Variants in ADAMTS19 observed in about 807,000 individuals in gnomAD.
ADAMTS19 encodes A disintegrin and metalloproteinase with thrombospondin motifs 19.
Under a neutral mutation model 153.3 loss-of-function variants are expected in ADAMTS19, and 93 were observed. The ratio of observed to expected loss-of-function variants is 0.61; its 90% CI spans 0.51 to 0.72. The LOEUF is 0.72. Ranked by LOEUF, ADAMTS19 falls within the 30% of genes least tolerant of loss-of-function variation. The pLI is 0.00. For synonymous variants in ADAMTS19, 600 were observed against 556.6 expected (o/e 1.08, Z -1.10); for missense variants, 1,482 against 1,552.1 (o/e 0.95, Z 0.76).
intron 8 of ADAMTS19, among the ~76,000 whole-genome samples, chr5:129,613,464 A>C (rs1448429954): frequency 3.3e-5 from 5 of 152,224 alleles, no homozygotes; most frequent in Non-Finnish European, 7.3e-5. Context: ...GAAGGCAGAA[A>C]TAAAGATGTT....
intron 2 of ADAMTS19, among the ~76,000 whole-genome samples, chr5:129,499,089 A>C (rs2126706318): frequency 6.6e-6 from 1 of 152,198 alleles, no homozygotes; most frequent in South Asian, 2.1e-4. Flanking sequence ...ACTGGTAAAC[A>C]ACTAAGAAGT....
intron 16 of ADAMTS19, among the ~76,000 whole-genome samples, chr5:129,673,970 C>T (rs1391213983): frequency 1.3e-5 from 2 of 152,124 alleles, no homozygotes; most frequent in Non-Finnish European, 2.9e-5. Context: ...GTAACTCACG[C>T]CTGTAATGCC....
At chr5:129,610,662 G>A (rs1424244619) in intron 8 of ADAMTS19, among the ~76,000 whole-genome samples, 1 of 152,086 alleles carries the variant, frequency 6.6e-6, no homozygotes, top group Non-Finnish European at 1.5e-5. Flanking sequence ...GTGTATATGT[G>A]CCACATTTTC....
intron 6 of ADAMTS19, among the ~76,000 whole-genome samples, chr5:129,539,940 C>G (rs1012885672): frequency 6.6e-6 from 1 of 151,950 alleles, no homozygotes; most frequent in Non-Finnish European, 1.5e-5. Flanking sequence ...TATTTTATTC[C>G]TAAGTGACCT....
intron 16 of ADAMTS19, among the ~76,000 whole-genome samples, chr5:129,669,073 G>C (rs1156795914): frequency 6.7e-6 from 1 of 149,814 alleles, no homozygotes; most frequent in Non-Finnish European, 1.5e-5. Context: ...AGAAAGTCCA[G>C]GAATATATAT....
chr5:129,532,671 A>G (rs1461641903), intron 6 of ADAMTS19, among the ~76,000 whole-genome samples: 2 of 152,126 alleles, frequency 1.3e-5, no homozygotes, highest in East Asian at 1.9e-4. Flanking sequence ...TTTTTTCATA[A>G]TTTTTCATAA....
At chr5:129,473,843 G>A (rs1176105200) in intron 2 of ADAMTS19, among the ~76,000 whole-genome samples, 2 of 151,744 alleles carry the variant, frequency 1.3e-5, no homozygotes, top group Non-Finnish European at 2.9e-5. Flanking sequence ...ATTTTTTCAG[G>A]GTAAATCAGT....
At chr5:129,570,642 AAC>A (rs77569364) in intron 7 of ADAMTS19, among the ~76,000 whole-genome samples, 17 of 151,656 alleles carry the variant, frequency 1.1e-4, no homozygotes, top group East Asian at 1.9e-4. Context: ...TAAAAGAAAA[AAC>A]GTATACACCA....
chr5:129,538,634 G>A (rs921893012), intron 6 of ADAMTS19, among the ~76,000 whole-genome samples: 1 of 152,128 alleles, frequency 6.6e-6, no homozygotes, highest in South Asian at 2.1e-4. Flanking sequence ...AGAGCATAAA[G>A]AATAACATAA....
In ADAMTS19 at chr5:129,643,822, T is replaced by C. The variant is rs145298254; in HGVS notation, c.1872+1862T>C. Among the ~76,000 whole-genome samples, 542 of 152,282 alleles carry C rather than the reference T, an allele frequency of 3.6e-3. 3 individuals carry two copies. The highest frequency in any genetic ancestry group is 0.01 in the Middle Eastern group (3 of 294). On this transcript the variant is annotated intron_variant, in intron 11 of 22. Coordinates refer to ENST00000274487, the MANE Select transcript of ADAMTS19 (RefSeq NM_133638.6). ...ACACAAAAGTATAAGAACCTGTGTA[T>C]ATCAAGCAAGTCTCCTGATATTGTG...
At chr5:129,570,593 C>T (rs536029113) in intron 7 of ADAMTS19, among the ~76,000 whole-genome samples, 3 of 149,942 alleles carry the variant, frequency 2.0e-5, no homozygotes, top group Non-Finnish European at 3.0e-5. Context: ...TTAGATTTAC[C>T]GATACTAAAA....
chr5:129,539,406 A>G (rs1467453070), intron 6 of ADAMTS19, among the ~76,000 whole-genome samples: 1 of 152,114 alleles, frequency 6.6e-6, no homozygotes, highest in Non-Finnish European at 1.5e-5. Flanking sequence ...AGGCCAGGAC[A>G]TAGATTATAC....
intron 2 of ADAMTS19, among the ~76,000 whole-genome samples, chr5:129,499,191 T>G (rs1751022146): frequency 6.6e-6 from 1 of 152,098 alleles, no homozygotes; most frequent in African/African-American, 2.4e-5. Flanking sequence ...TTACAAATTA[T>G]TACATGTAAC....
At chr5:129,622,449 C>A in intron 10 of ADAMTS19, 101 bp downstream of exon 10, 2 of 1,284,614 alleles carry the variant, frequency 1.6e-6, no homozygotes, top group South Asian at 3.2e-5. Flanking sequence ...ATCAAAAGCA[C>A]CCCAATATAT....
chr5:129,698,199 A>T (rs1755651388), intron 19 of ADAMTS19, among the ~76,000 whole-genome samples: 1 of 152,198 alleles, frequency 6.6e-6, no homozygotes, highest in African/African-American at 2.4e-5. Context: ...TTGGAAAAGG[A>T]GGCAATTTAT....
rs551673936 is a variant in ADAMTS19, at chr5:129,591,978, T to G, written c.1373-4581T>G. ...GTCACATAACATCTGGCTTGTGTTT[T>G]GTTTTCTGATGAGAGATTCAATTGA... On this transcript the variant is annotated intron_variant, in intron 7 of 22. Coordinates refer to ENST00000274487, the MANE Select transcript of ADAMTS19 (RefSeq NM_133638.6). 3.9e-5 allele frequency among the ~76,000 whole-genome samples: 6 copies of G among 152,284 alleles called. No homozygotes were observed. The South Asian group carries it at 8.3e-4, about 21-fold the overall frequency.
At chr5:129,617,475 T>C (rs1751582164) in intron 8 of ADAMTS19, among the ~76,000 whole-genome samples, 1 of 152,016 alleles carries the variant, frequency 6.6e-6, no homozygotes, top group Non-Finnish European at 1.5e-5. Flanking sequence ...TTGGGACACA[T>C]TATTTAGGAA....
chr5:129,607,616 T>C (rs1419388421), intron 8 of ADAMTS19, among the ~76,000 whole-genome samples: 1 of 152,214 alleles, frequency 6.6e-6, no homozygotes, highest in East Asian at 1.9e-4. Context: ...AATGGCAGTA[T>C]ATTTTTCCCT....
intron 17 of ADAMTS19, among the ~76,000 whole-genome samples, chr5:129,683,549 G>A (rs1305356802): frequency 1.3e-5 from 2 of 152,022 alleles, no homozygotes. Flanking sequence ...TTAACTGTAA[G>A]CATACCTGGA....
Sources: allele counts gnomAD v4.1 joint callset (sites outside exome capture counted in the v4.1 genomes callset), GRCh38; gene constraint gnomAD v4.1.1; transcripts MANE v1.5; gene names NCBI Gene and HGNC (gene_info 2026-07-23, HGNC 2026-07-21).